Variants in UPF3A observed in about 807,000 individuals in gnomAD.
UPF3A encodes the protein UPF3A regulator of nonsense mediated mRNA decay, also known as regulator of nonsense transcripts 3A.
In UPF3A, 42 loss-of-function variants were observed where a neutral mutation model predicts 53.5. The ratio of observed to expected loss-of-function variants is 0.78; its 90% CI spans 0.61 to 1.01. The LOEUF is 1.01. Ranked by LOEUF, UPF3A falls within the 50% of genes least tolerant of loss-of-function variation. The pLI, the probability that UPF3A is intolerant of heterozygous loss-of-function variation, is 0.00. For synonymous variants in UPF3A, 237 were observed against 225.3 expected (o/e 1.05, Z -0.47); for missense variants, 575 against 598.0 (o/e 0.96, Z 0.40).
At position 114,286,696 on chromosome 13, in the gene UPF3A, TC is replaced by T; in HGVS notation, c.631+68del. 6 of 1,303,990 alleles carry T rather than the reference TC, an allele frequency of 4.6e-6. No individual in the cohort carries two copies. The South Asian group carries it at 8.4e-5, about 18-fold the overall frequency. The allele number at this position is 1,303,990 out of a possible 1,614,324, so 80.8% of individuals were successfully genotyped here. A position where few individuals can be genotyped will look rare whatever the true frequency, so the allele number is the denominator to read the frequency against. On this transcript the variant is annotated intron_variant, in intron 5 of 9. Transcript: ENST00000375299. ...TTACTCGTAGAGGATATACGTTTTT[TC>T]TCTTTTTCTTGACTGTGATAACAAG...
At chr13:114,295,573 C>T (rs1196254827) in intron 7 of UPF3A, among the ~76,000 whole-genome samples, 4 of 152,226 alleles carry the variant, frequency 2.6e-5, no homozygotes, top group Non-Finnish European at 5.9e-5. Context: ...CTGCAGAGAG[C>T]CCTCCTGGGC....
chr13:114,293,887 C>G (rs1472211950), intron 7 of UPF3A, among the ~76,000 whole-genome samples: 1 of 152,028 alleles, frequency 6.6e-6, no homozygotes, highest in East Asian at 1.9e-4. Context: ...TTTGGGAGAC[C>G]AGGGCAGGTG....
intron 5 of UPF3A, chr13:114,287,248 T>C (rs1156250048): frequency 6.6e-6 from 1 of 152,612 alleles, no homozygotes; most frequent in Non-Finnish European, 1.5e-5. Flanking sequence ...TGGTAGTGTT[T>C]CTCTTCTCTG....
intron 5 of UPF3A, among the ~76,000 whole-genome samples, chr13:114,291,269 A>C (rs1300629416): frequency 6.6e-6 from 1 of 152,226 alleles, no homozygotes; most frequent in Non-Finnish European, 1.5e-5. Flanking sequence ...GCCTCCCTTA[A>C]GAATCAGGAA....
chr13:114,294,464 A>G (rs1428188204), intron 7 of UPF3A, among the ~76,000 whole-genome samples: 2 of 152,076 alleles, frequency 1.3e-5, no homozygotes, highest in Non-Finnish European at 1.5e-5. Context: ...GGGTCTCACT[A>G]TGTTGTCCAG....
At chr13:114,291,613 C>T in intron 6 of UPF3A, 21 bp from the exon 7 acceptor site, 1 of 1,605,712 alleles carries the variant, frequency 6.2e-7, no homozygotes, top group East Asian at 2.2e-5. Flanking sequence ...AGTTTATACA[C>T]ACGCTCTTCC....
chr13:114,286,156 C>T, intron 3 of UPF3A, 146 bp from the exon 4 acceptor site: 2 of 1,055,662 alleles, frequency 1.9e-6, no homozygotes, highest in Non-Finnish European at 1.3e-6. Context: ...TTTTTAATCT[C>T]TTACTGGAAG....
intron 8 of UPF3A, among the ~76,000 whole-genome samples, chr13:114,301,284 A>T (rs553428684): frequency 1.3e-5 from 2 of 152,004 alleles, no homozygotes; most frequent in East Asian, 2.0e-4. Flanking sequence ...ACACAGTGAA[A>T]CCCCGTCTCT....
Position 114,301,768 on chromosome 13 carries a change from G to A in UPF3A, c.1045G>A (p.Glu349Lys), listed in dbSNP as rs371654561. 102 of 1,613,972 alleles carry A rather than the reference G, an allele frequency of 6.3e-5. 1 individual carries two copies. In the Middle Eastern group the frequency reaches 8.3e-4, roughly 13 times the overall value. The change falls in exon 9 of 10, where the codon GAG becomes AAG. Residue 349 changes from glutamate to lysine, a missense_variant. Physicochemically the swap from Glu to Lys is moderately conservative, Grantham distance 56. Coordinates refer to ENST00000375299, the MANE Select transcript of UPF3A (RefSeq NM_023011.4). ...SGSDKEHRDVERSQEQESEAQ... is the reference protein window; with the variant it reads ...SGSDKEHRDVKRSQEQESEAQ... ...CAGTGATAAAGAGCACAGGGATGTG[G>A]AGAGATCTCAAGAACAAGAATCTGA... is the stretch of plus-strand genomic sequence containing the variant.
Position 114,281,719 on chromosome 13 carries a change from C to G in UPF3A, c.80C>G (p.Ser27Trp), listed in dbSNP as rs1386232236. The G allele has an allele frequency of 6.4e-7, 1 of 1,552,014 alleles. No individual in the cohort carries two copies. The highest frequency in any genetic ancestry group is 1.9e-5 in the Admixed American group (1 of 51,842). Residue 27 changes from serine to tryptophan, a missense_variant, in exon 1 of 10, where the codon TCG (serine) becomes TGG (tryptophan). By Grantham distance (177) the Ser-to-Trp change is radical. Coordinates refer to ENST00000375299, the MANE Select transcript of UPF3A (RefSeq NM_023011.4). Reference protein sequence around the residue: ...ARGPSGREKLSALEVQFHRDS... With the variant: ...ARGPSGREKLWALEVQFHRDS... Reference sequence around the variant, plus strand: ...GGCCCGAGCGGGAGGGAGAAGCTGTCGGCCCTAGAAGTGCAGTTCCACCGC... The same window carrying G: ...GGCCCGAGCGGGAGGGAGAAGCTGTGGGCCCTAGAAGTGCAGTTCCACCGC...
rs1238442941 is a variant in UPF3A at position 114,286,526 on chromosome 13, A to T, written c.528A>T (p.Glu176Asp). The change falls in exon 5 of 10, where the codon GAA becomes GAT. Residue 176 changes from glutamate to aspartate, a missense_variant. Physicochemically the swap from Glu to Asp is conservative, Grantham distance 45. This residue lies in a region of UPF3A where 323 missense variants were observed against 415.2 expected (regional missense o/e 0.78). Transcript: ENST00000375299. ...CTACTTTTTAATGTCTAGATCCAGA[A>T]TATAAGAAGTTTTTAGAAACCTACT... is the stretch of plus-strand genomic sequence containing the variant. ...AKTGSIEDDP[E>D]YKKFLETYCV... The T allele has an allele frequency of 6.2e-7, 1 of 1,612,806 alleles. No homozygotes were observed. The highest frequency in any genetic ancestry group is 1.3e-5 in the African/African-American group (1 of 74,802).
chr13:114,294,792 T>C (rs2085681248), intron 7 of UPF3A, among the ~76,000 whole-genome samples: 3 of 151,004 alleles, frequency 2.0e-5, no homozygotes, highest in Non-Finnish European at 4.4e-5. Flanking sequence ...GCCACTGCAC[T>C]CCAGCCTGGG....
At chr13:114,286,766 A>G (rs2084735780) in intron 5 of UPF3A, 137 bp downstream of exon 5, 4 of 706,660 alleles carry the variant, frequency 5.7e-6, no homozygotes, top group Non-Finnish European at 9.3e-6. Context: ...AGTGATTTCC[A>G]GTTTTGACAA....
intron 3 of UPF3A, 84 bp from the exon 4 acceptor site, chr13:114,286,218 C>G: frequency 6.5e-7 from 1 of 1,540,840 alleles, no homozygotes; most frequent in Non-Finnish European, 8.9e-7. Flanking sequence ...TACACTTACT[C>G]TTTAAGTAAG....
chr13:114,282,883 C>T lies in UPF3A; in HGVS notation c.361C>T (p.Pro121Ser), dbSNP rs201039341. The T allele has an allele frequency of 1.8e-5, 29 of 1,612,362 alleles. No individual in the cohort carries two copies. In the East Asian group the frequency reaches 6.0e-4, roughly 33 times the overall value. The change falls in exon 3 of 10, where the codon CCT becomes TCT. Residue 121 changes from proline (P) to serine (S), a missense_variant. Pro to Ser is a moderately conservative substitution (Grantham distance 74, BLOSUM62 -1). Coordinates refer to ENST00000375299, the MANE Select transcript of UPF3A (RefSeq NM_023011.4). ...YSRAYINFRNPDDILLFRDRF... is the reference protein window; with the variant it reads ...YSRAYINFRNSDDILLFRDRF... ...AAGAGCATACATTAATTTTAGGAAT[C>T]CTGATGACATCCTTCTTTTTAGAGA...
intron 7 of UPF3A, among the ~76,000 whole-genome samples, chr13:114,293,175 G>A (rs993735489): frequency 6.6e-6 from 1 of 151,486 alleles, no homozygotes; most frequent in Admixed American, 6.6e-5. Context: ...CTTGAGTTCA[G>A]GAGTTTGAGA....
intron 7 of UPF3A, among the ~76,000 whole-genome samples, chr13:114,295,097 G>A (rs1409435243): frequency 7.0e-6 from 1 of 143,410 alleles, no homozygotes; most frequent in Non-Finnish European, 1.5e-5. Flanking sequence ...GGGCGACAGA[G>A]CAAGACTCCG....
chr13:114,299,909 G>C (rs2086437149), intron 8 of UPF3A, among the ~76,000 whole-genome samples: 1 of 152,232 alleles, frequency 6.6e-6, no homozygotes, highest in Admixed American at 6.5e-5. Context: ...CATAGTCGTA[G>C]GTGTGATTTC....
chr13:114,301,677 G>A (rs2139365341), intron 8 of UPF3A, 54 bp from the exon 9 acceptor site: 2 of 1,552,956 alleles, frequency 1.3e-6, no homozygotes, highest in Non-Finnish European at 8.8e-7. Context: ...AAAGGAGGGT[G>A]GGCAGCCAAC....
Sources: allele counts gnomAD v4.1 joint callset (sites outside exome capture counted in the v4.1 genomes callset), GRCh38; gene constraint gnomAD v4.1.1; regional missense constraint gnomAD v4.1.1; transcripts MANE v1.5; gene names NCBI Gene and HGNC (gene_info 2026-07-23, HGNC 2026-07-21).